Variants in ADGRB3 observed in about 807,000 individuals in gnomAD.
The protein encoded by ADGRB3 is adhesion G protein-coupled receptor B3, also known as brain-specific angiogenesis inhibitor 3.
ADGRB3 carries 37 observed loss-of-function variants against 193.4 expected under a neutral mutation model. The ratio of observed to expected loss-of-function variants is 0.19; its 90% CI spans 0.15 to 0.25. ADGRB3 has a LOEUF of 0.25. Ranked by LOEUF, ADGRB3 falls within the 10% of genes least tolerant of loss-of-function variation. The pLI is 1.00. For synonymous variants in ADGRB3, 690 were observed against 644.2 expected (o/e 1.07, Z -1.08); for missense variants, 1,637 against 1,852.9 (o/e 0.88, Z 2.14).
chr6:69,011,406 A>G (rs1769933429), intron 11 of ADGRB3, among the ~76,000 whole-genome samples: 2 of 152,034 alleles, frequency 1.3e-5, no homozygotes, highest in Admixed American at 1.3e-4. Context: ...GTTCTCACTT[A>G]TAAGTGGGAG....
At chr6:68,993,372 T>G (rs1435974242) in intron 10 of ADGRB3, among the ~76,000 whole-genome samples, 1 of 152,130 alleles carries the variant, frequency 6.6e-6, no homozygotes, top group Non-Finnish European at 1.5e-5. Context: ...TTGGTAAAAA[T>G]GGCTATTTTT....
intron 17 of ADGRB3, among the ~76,000 whole-genome samples, chr6:69,181,974 G>C (rs887035485): frequency 2.6e-5 from 4 of 152,262 alleles, no homozygotes; most frequent in Non-Finnish European, 2.9e-5. Flanking sequence ...ATGACATTCA[G>C]TAGTTCCAAT....
chr6:68,779,230 A>ACG (rs140709276), intron 3 of ADGRB3, among the ~76,000 whole-genome samples: 2 of 144,490 alleles, frequency 1.4e-5, no homozygotes, highest in Non-Finnish European at 3.0e-5. Flanking sequence ...TGTATATATT[A>ACG]TGTGTGTGTG....
chr6:68,687,706 C>A (rs936129661), intron 3 of ADGRB3, among the ~76,000 whole-genome samples: 1 of 151,972 alleles, frequency 6.6e-6, no homozygotes, highest in Non-Finnish European at 1.5e-5. Flanking sequence ...TCACTAGGAG[C>A]GTCACCTTTC....
intron 3 of ADGRB3, among the ~76,000 whole-genome samples, chr6:68,663,938 A>T (rs1416740481): frequency 6.6e-6 from 1 of 151,818 alleles, no homozygotes; most frequent in Non-Finnish European, 1.5e-5. Flanking sequence ...GCAGTGTGGT[A>T]TTTTTGTGCA....
chr6:68,935,082 A>G (rs60936330), intron 4 of ADGRB3, among the ~76,000 whole-genome samples: 4,548 of 152,262 alleles, frequency 0.03, 193 homozygotes, highest in African/African-American at 0.1. Flanking sequence ...GCAGAACAAT[A>G]TAAGAGCAAA....
intron 10 of ADGRB3, among the ~76,000 whole-genome samples, chr6:68,984,068 C>T (rs1769004204): frequency 6.6e-6 from 1 of 152,074 alleles, no homozygotes; most frequent in Non-Finnish European, 1.5e-5. Flanking sequence ...AAGAGAGTGT[C>T]ATGACATGAG....
chr6:68,783,708 T>C (rs1018881030), intron 3 of ADGRB3, among the ~76,000 whole-genome samples: 1 of 151,918 alleles, frequency 6.6e-6, no homozygotes, highest in Non-Finnish European at 1.5e-5. Context: ...TAATTCACAC[T>C]CAAGAAAATG....
chr6:69,121,705 C>T (rs12177776), intron 17 of ADGRB3, among the ~76,000 whole-genome samples: 3,183 of 150,446 alleles, frequency 0.021, 112 homozygotes, highest in African/African-American at 0.074. Flanking sequence ...GATGGGGTGG[C>T]GGCCGGGCAG....
At chr6:69,213,660 C>T (rs1765713979) in intron 17 of ADGRB3, among the ~76,000 whole-genome samples, 1 of 152,142 alleles carries the variant, frequency 6.6e-6, no homozygotes, top group Non-Finnish European at 1.5e-5. Flanking sequence ...TGGCTCCTTC[C>T]TCCTACTTCT....
chr6:68,856,330 C>T (rs770061588), intron 3 of ADGRB3, among the ~76,000 whole-genome samples: 6 of 152,142 alleles, frequency 3.9e-5, no homozygotes, highest in Non-Finnish European at 5.9e-5. Context: ...TAGGTTTGAA[C>T]AGTTGGGAGG....
chr6:68,678,372 G>GA (rs1764807251), intron 3 of ADGRB3, among the ~76,000 whole-genome samples: 1 of 152,106 alleles, frequency 6.6e-6, no homozygotes, highest in African/African-American at 2.4e-5. Context: ...TTTCAAGTGA[G>GA]AAAAAATAAA....
At chr6:68,864,881 A>G (rs1355216547) in intron 3 of ADGRB3, among the ~76,000 whole-genome samples, 2 of 117,632 alleles carry the variant, frequency 1.7e-5, no homozygotes, top group African/African-American at 2.6e-5. Flanking sequence ...TGTAGCAAGT[A>G]GTATCTGAAT....
intron 17 of ADGRB3, among the ~76,000 whole-genome samples, chr6:69,215,078 A>C (rs925799045): frequency 3.3e-5 from 5 of 152,286 alleles, no homozygotes; most frequent in Admixed American, 1.3e-4. Flanking sequence ...TGTAAAAGTC[A>C]TGAAAGACAA....
intron 3 of ADGRB3, among the ~76,000 whole-genome samples, chr6:68,647,192 G>T (rs565111430): frequency 1.3e-5 from 2 of 152,014 alleles, no homozygotes; most frequent in Non-Finnish European, 2.9e-5. Flanking sequence ...TTTCACTGAG[G>T]TATTTTTCAT....
At chr6:69,023,640 C>T (rs1398382435) in intron 13 of ADGRB3, among the ~76,000 whole-genome samples, 1 of 152,058 alleles carries the variant, frequency 6.6e-6, no homozygotes, top group Non-Finnish European at 1.5e-5. Context: ...AATAGGGAGT[C>T]ACTGAATCTT....
intron 11 of ADGRB3, among the ~76,000 whole-genome samples, chr6:69,002,044 G>A (rs1293975474): frequency 1.3e-5 from 2 of 152,054 alleles, no homozygotes; most frequent in Non-Finnish European, 2.9e-5. Context: ...TGATACATCC[G>A]CTAGGTTTAA....
chr6:68,670,684 A>G (rs1768929984), intron 3 of ADGRB3, among the ~76,000 whole-genome samples: 1 of 152,066 alleles, frequency 6.6e-6, no homozygotes, highest in Non-Finnish European at 1.5e-5. Flanking sequence ...ATTTGAAGTC[A>G]GGTAATGTGA....
At chr6:69,276,601 T>A (rs1187930634) in intron 20 of ADGRB3, among the ~76,000 whole-genome samples, 1 of 152,114 alleles carries the variant, frequency 6.6e-6, no homozygotes, top group Non-Finnish European at 1.5e-5. Context: ...GACCTTTTTT[T>A]CCCCCGGGCT....
Sources: gnomAD v4.1 joint callset for allele counts (sites outside exome capture counted in the v4.1 genomes callset) on GRCh38, gnomAD v4.1.1 for gene constraint, MANE v1.5 for transcripts, NCBI Gene and HGNC (gene_info 2026-07-23, HGNC 2026-07-21) for gene names.